The following KRABD5 variants were observed in gnomAD, a reference collection of about 807,000 sequenced individuals.
KRABD5 encodes KRAB domain containing 5, also known as KRAB domain-containing protein 5.
At chr16:31,750,040 T>G in the KRABD5 span, among the ~76,000 whole-genome samples, 1 of 152,214 alleles carries the variant, frequency 6.6e-6, no homozygotes, top group Non-Finnish European at 1.5e-5. Context: ...TAGTTCCATA[T>G]GAATTTTAGA....
the KRABD5 span, among the ~76,000 whole-genome samples, chr16:31,721,852 G>A: frequency 2.6e-5 from 4 of 152,156 alleles, no homozygotes; most frequent in Non-Finnish European, 5.9e-5. Context: ...TTAAAAATGC[G>A]GAAACGCAGC....
At chr16:31,739,853 G>C in the KRABD5 span, among the ~76,000 whole-genome samples, 65 of 152,304 alleles carry the variant, frequency 4.3e-4, no homozygotes, top group African/African-American at 1.5e-3. Context: ...GCCCACCCAG[G>C]GTGGAAAGCC....
At chr16:31,721,927 C>T in the KRABD5 span, among the ~76,000 whole-genome samples, 1 of 152,188 alleles carries the variant, frequency 6.6e-6, no homozygotes, top group East Asian at 1.9e-4. Context: ...CAGTTTATTG[C>T]TGAACACAAT....
chr16:31,744,621 G>C, the KRABD5 span, among the ~76,000 whole-genome samples: 4 of 152,258 alleles, frequency 2.6e-5, no homozygotes, highest in Admixed American at 6.5e-5. Flanking sequence ...TTGGTACCAG[G>C]ATGATGCTGG....
chr16:31,714,944 G>C, the KRABD5 span, among the ~76,000 whole-genome samples: 1 of 152,238 alleles, frequency 6.6e-6, no homozygotes, highest in Non-Finnish European at 1.5e-5. Flanking sequence ...AGTATTGCAA[G>C]AGGAGGAAAG....
the KRABD5 span, among the ~76,000 whole-genome samples, chr16:31,722,438 C>A: frequency 1.3e-5 from 2 of 152,170 alleles, no homozygotes; most frequent in African/African-American, 4.8e-5. Flanking sequence ...GATTTTGTAT[C>A]ATTCTCTTTC....
the KRABD5 span, among the ~76,000 whole-genome samples, chr16:31,719,108 A>G: frequency 6.6e-6 from 1 of 152,218 alleles, no homozygotes; most frequent in African/African-American, 2.4e-5. Flanking sequence ...TGTAGCAGCC[A>G]TAGTCCCTAC....
chr16:31,750,871 T>G, the KRABD5 span, among the ~76,000 whole-genome samples: 1 of 152,180 alleles, frequency 6.6e-6, no homozygotes, highest in Non-Finnish European at 1.5e-5. Flanking sequence ...ATTATTCTCA[T>G]GCCTCAGTCG....
At chr16:31,733,295 AT>A in the KRABD5 span, among the ~76,000 whole-genome samples, 1 of 151,914 alleles carries the variant, frequency 6.6e-6, no homozygotes, top group African/African-American at 2.4e-5. Flanking sequence ...TAAATTCACA[AT>A]CTATTGTTTG....
the KRABD5 span, among the ~76,000 whole-genome samples, chr16:31,748,705 A>G: frequency 1.3e-5 from 2 of 151,834 alleles, no homozygotes; most frequent in African/African-American, 4.8e-5. Context: ...TTTTTAGTTG[A>G]TTCTTTCTCA....
chr16:31,715,696 C>G, the KRABD5 span, among the ~76,000 whole-genome samples: 3 of 152,186 alleles, frequency 2.0e-5, no homozygotes, highest in Non-Finnish European at 4.4e-5. Flanking sequence ...GAACTCTGAA[C>G]TTGTGGGGTC....
the KRABD5 span, chr16:31,713,654 G>A: frequency 1.6e-6 from 1 of 631,960 alleles, no homozygotes; most frequent in Non-Finnish European, 2.7e-6. Flanking sequence ...TGCCATGGCC[G>A]GAGCCGTCTT....
chr16:31,733,883 T>C, the KRABD5 span, among the ~76,000 whole-genome samples: 4 of 152,220 alleles, frequency 2.6e-5, no homozygotes, highest in Non-Finnish European at 4.4e-5. Flanking sequence ...TTCCGCGTTC[T>C]GTTTTGAATA....
chr16:31,759,545 C>T, the KRABD5 span: 4 of 877,290 alleles, frequency 4.6e-6, no homozygotes, highest in Non-Finnish European at 7.1e-6. Flanking sequence ...TACATCTTCA[C>T]AAAAAAAATC....
At chr16:31,733,545 T>G in the KRABD5 span, 1 of 456,258 alleles carries the variant, frequency 2.2e-6, no homozygotes, top group Non-Finnish European at 4.4e-6. Context: ...CAACAAATTG[T>G]CCTTTCCACA....
the KRABD5 span, chr16:31,759,149 G>T: frequency 2.0e-5 from 9 of 454,104 alleles, no homozygotes; most frequent in Non-Finnish European, 3.3e-5. Flanking sequence ...CAATATTTAT[G>T]TATCTTTTAG....
At chr16:31,743,505 T>C in the KRABD5 span, among the ~76,000 whole-genome samples, 1 of 152,224 alleles carries the variant, frequency 6.6e-6, no homozygotes, top group African/African-American at 2.4e-5. Context: ...ACCAGTACCG[T>C]GCTGTTTTGG....
chr16:31,744,155 A>G, the KRABD5 span, among the ~76,000 whole-genome samples: 64 of 152,254 alleles, frequency 4.2e-4, no homozygotes, highest in East Asian at 0.012. Flanking sequence ...AACTTTCAAT[A>G]CTGTGTTGAA....
chr16:31,754,640 T>C, the KRABD5 span: 2 of 463,796 alleles, frequency 4.3e-6, no homozygotes, highest in Non-Finnish European at 8.6e-6. Flanking sequence ...ATGTAATAAG[T>C]GTATAGAAAC....
Sources: gnomAD v4.1 joint callset for allele counts (sites outside exome capture counted in the v4.1 genomes callset) on GRCh38, gnomAD v4.1.1 for gene constraint, MANE v1.5 for transcripts, NCBI Gene and HGNC (gene_info 2026-07-23, HGNC 2026-07-21) for gene names.